PLEKHA6: variants seen among roughly 807,000 people sequenced by gnomAD.
PLEKHA6 encodes the protein pleckstrin homology domain containing A6, also known as pleckstrin homology domain-containing family A member 6.
A neutral mutation model predicts 116.7 loss-of-function variants in PLEKHA6; 60 were observed. The ratio of observed to expected loss-of-function variants is 0.51; its 90% CI spans 0.42 to 0.64. The LOEUF is 0.64. PLEKHA6 is among the 30% of genes least tolerant of loss of function. The pLI, the probability that PLEKHA6 is intolerant of heterozygous loss-of-function variation, is 0.00. For missense variants in PLEKHA6, 1,338 were observed against 1,422.7 expected (o/e 0.94, Z 0.96); for synonymous variants, 489 against 556.1 (o/e 0.88, Z 1.70).
chr1:204,307,882 C>T, intron 1 of PLEKHA6: 1 of 985,424 alleles, frequency 1.0e-6, no homozygotes, highest in African/African-American at 1.7e-5. Flanking sequence ...AAGTGGCACT[C>T]AGGATCGAGG....
chr1:204,271,283 C>T (rs1667425107), intron 3 of PLEKHA6, among the ~76,000 whole-genome samples: 1 of 152,198 alleles, frequency 6.6e-6, no homozygotes, highest in Non-Finnish European at 1.5e-5. Context: ...TTCCATTGCA[C>T]CATGAGCTCT....
chr1:204,346,649 GC>G (rs1167837908), intron 1 of PLEKHA6: 5 of 657,318 alleles, frequency 7.6e-6, no homozygotes, highest in Non-Finnish European at 1.4e-5. Flanking sequence ...TCCCAATGTG[GC>G]CATGGGTAAG....
At chr1:204,355,997 ACAC>A (rs143423811) in intron 1 of PLEKHA6, among the ~76,000 whole-genome samples, 83,330 of 144,190 alleles carry the variant, frequency 0.58, 24,671 homozygotes, top group East Asian at 0.79. Flanking sequence ...ACACACACAC[ACAC>A]AAAAAAAATC....
intron 18 of PLEKHA6, 127 bp from the exon 19 acceptor site, chr1:204,229,231 T>G: frequency 1.2e-6 from 1 of 850,596 alleles, no homozygotes; most frequent in Non-Finnish European, 1.8e-6. Flanking sequence ...GCTCCCACCA[T>G]ACCCCACTGC....
intron 1 of PLEKHA6, chr1:204,301,580 G>C (rs1052194124): frequency 3.9e-6 from 2 of 517,032 alleles, no homozygotes; most frequent in Admixed American, 1.3e-4. Flanking sequence ...TACTCCCTAG[G>C]GCCATTCCCA....
intron 1 of PLEKHA6, among the ~76,000 whole-genome samples, chr1:204,358,070 T>C (rs775136257): frequency 7.2e-5 from 11 of 151,826 alleles, no homozygotes; most frequent in African/African-American, 2.7e-4. Flanking sequence ...AAAAAGCAGG[T>C]GGGGACCCCC....
chr1:204,234,588 T>C (rs1661673225), intron 17 of PLEKHA6, among the ~76,000 whole-genome samples: 1 of 152,162 alleles, frequency 6.6e-6, no homozygotes, highest in South Asian at 2.1e-4. Context: ...TGGTTAATAC[T>C]GAGCATCAAC....
intron 21 of PLEKHA6, among the ~76,000 whole-genome samples, chr1:204,224,226 T>C (rs1660020805): frequency 1.3e-5 from 2 of 151,944 alleles, no homozygotes; most frequent in Non-Finnish European, 2.9e-5. Flanking sequence ...TGAAATGATG[T>C]TTGAATTAAT....
rs112000227 is a variant in PLEKHA6 at position 204,286,004 on chromosome 1, G to A, written c.-94-11195C>T. 1.3e-3 allele frequency among the ~76,000 whole-genome samples: 199 copies of A among 152,254 alleles called. 1 individual carries two copies. The highest frequency in any genetic ancestry group is 4.5e-3 in the African/African-American group (185 of 41,550). ...GGAGAAGCTGGCATGGAGGAGGACA[G>A]GGTAGAGGAAGTACCACCAAGGACA... On this transcript the variant is annotated intron_variant, in intron 1 of 22. Coordinates refer to ENST00000272203, the MANE Select transcript of PLEKHA6 (RefSeq NM_014935.5).
rs200160776 is a variant in PLEKHA6 at position 204,259,709 on chromosome 1, G to T, written c.556C>A (p.Pro186Thr). Residue 186 changes from proline (P) to threonine (T), a missense_variant, in exon 8 of 23, where the codon CCC (proline) becomes ACC (threonine). Pro to Thr is a conservative substitution (Grantham distance 38, BLOSUM62 -1). This residue lies in a region of PLEKHA6 where 140 missense variants were observed against 197.4 expected (regional missense o/e 0.71). Coordinates refer to ENST00000272203, the MANE Select transcript of PLEKHA6 (RefSeq NM_014935.5). The surrounding 1 kb of genome is among the most constrained non-coding windows in gnomAD (Gnocchi z 4.6). The part of the protein sequence containing the change: ...HEKPDSENVP[P>T]SKHHQQPPHN... ...GGTGGCTGCTGGTGGTGCTTGCTGG[G>T]TGGGACGTTCTCCGAGTCTGGCTTC... 39 of 1,612,868 alleles carry T rather than the reference G, an allele frequency of 2.4e-5. No homozygotes were observed. Among genetic ancestry groups the T allele is most frequent in the Admixed American group, 6.7e-5 (4 of 59,960 alleles).
chr1:204,376,755 A>G (rs1377666982), intron 1 of PLEKHA6, among the ~76,000 whole-genome samples: 1 of 152,206 alleles, frequency 6.6e-6, no homozygotes, highest in Non-Finnish European at 1.5e-5. Flanking sequence ...GATTCCTTGT[A>G]GCTCCGATGT....
intron 1 of PLEKHA6, among the ~76,000 whole-genome samples, chr1:204,373,630 T>C (rs779399655): frequency 4.6e-5 from 7 of 152,038 alleles, no homozygotes; most frequent in Non-Finnish European, 8.8e-5. Context: ...TTCATTCACC[T>C]GTTGCTGAAC....
chr1:204,290,141 T>C (rs1669598748), intron 1 of PLEKHA6, among the ~76,000 whole-genome samples: 1 of 152,220 alleles, frequency 6.6e-6, no homozygotes, highest in Admixed American at 6.5e-5. Flanking sequence ...TACAACACAG[T>C]GCCAACCAAA....
chr1:204,360,321 G>A (rs1410575674), upstream of PLEKHA6, among the ~76,000 whole-genome samples: 1 of 152,190 alleles, frequency 6.6e-6, no homozygotes, highest in African/African-American at 2.4e-5. Flanking sequence ...CTACTCCAGA[G>A]AGGGGCACGT....
chr1:204,367,175 G>C (rs1300019493), intron 3 of PLEKHA6, among the ~76,000 whole-genome samples: 1 of 152,064 alleles, frequency 6.6e-6, no homozygotes, highest in African/African-American at 2.4e-5. Flanking sequence ...TCTGTCTTCT[G>C]CTTCCAAGAT....
chr1:204,295,664 C>T (rs12070132), intron 1 of PLEKHA6, among the ~76,000 whole-genome samples: 5,668 of 152,170 alleles, frequency 0.037, 323 homozygotes, highest in African/African-American at 0.13. Context: ...TGAGCACCTT[C>T]GGTTCTTCAG....
Position 204,248,834 on chromosome 1 carries a change from G to A in PLEKHA6, c.1811C>T (p.Ser604Phe). The A allele has an allele frequency of 6.2e-7, 1 of 1,613,944 alleles. No individual in the cohort carries two copies. Among genetic ancestry groups the A allele is most frequent in the Non-Finnish European group, 8.5e-7 (1 of 1,179,996 alleles). The change falls in exon 12 of 23, where the codon TCT becomes TTT. Residue 604 changes from serine (S) to phenylalanine (F), a missense_variant. Ser to Phe is a radical substitution (Grantham distance 155). This residue lies in a region of PLEKHA6 where 1,136 missense variants were observed against 1,163.6 expected (regional missense o/e 0.98). Transcript: ENST00000272203. ...TCCCTGGGTTACCGTGGTCGCCTGA[G>A]ACAGCTCCACGCGGATGTTGATGAG... is the stretch of plus-strand genomic sequence containing the variant. ...NQLINIRVEL[S>F]QATTALTNST... is the part of the protein sequence containing the mutation.
chr1:204,311,174 G>A (rs1572162893), intron 1 of PLEKHA6, among the ~76,000 whole-genome samples: 1 of 152,234 alleles, frequency 6.6e-6, no homozygotes, highest in Non-Finnish European at 1.5e-5. Context: ...TACTTTGGAA[G>A]GTAGCCTGCT....
At chr1:204,347,845 A>G (rs1673121401) in intron 1 of PLEKHA6, among the ~76,000 whole-genome samples, 1 of 152,080 alleles carries the variant, frequency 6.6e-6, no homozygotes, top group Non-Finnish European at 1.5e-5. Flanking sequence ...ATGGATGCAG[A>G]GATTAGGGGT....
Sources: gnomAD v4.1 joint callset for allele counts (sites outside exome capture counted in the v4.1 genomes callset) on GRCh38, gnomAD v4.1.1 for gene constraint, gnomAD v4.1.1 regional missense constraint, Gnocchi (gnomAD v3.1) non-coding constraint, MANE v1.5 for transcripts, NCBI Gene and HGNC (gene_info 2026-07-23, HGNC 2026-07-21) for gene names.